The following TACC1 variants were observed in gnomAD, a reference collection of about 807,000 sequenced individuals.
TACC1 encodes the protein transforming acidic coiled-coil containing protein 1.
Under a neutral mutation model 84.4 loss-of-function variants are expected in TACC1, and 48 were observed. The ratio of observed to expected loss-of-function variants is 0.57; its 90% CI spans 0.45 to 0.72. The LOEUF (loss-of-function observed/expected upper bound fraction) is 0.72. Among genes scored for constraint, TACC1 ranks in the 30% least tolerant of loss-of-function variants. TACC1 has a pLI of 0.00. For synonymous variants in TACC1, 372 were observed against 376.3 expected, an observed-to-expected ratio of 0.99 and a Z score of 0.13; for missense variants, 920 against 973.0, an observed-to-expected ratio of 0.95 and a Z score of 0.72.
chr8:38,762,785 G>C (rs1811473278), intron 3 of TACC1, among the ~76,000 whole-genome samples: 1 of 152,078 alleles, frequency 6.6e-6, no homozygotes, highest in African/African-American at 2.4e-5. Context: ...TCAAACTCCT[G>C]ACCTGAGGTG....
At chr8:38,805,948 TG>T (rs539872283) in intron 2 of TACC1, among the ~76,000 whole-genome samples, 2 of 152,222 alleles carry the variant, frequency 1.3e-5, no homozygotes, top group Non-Finnish European at 2.9e-5. Flanking sequence ...GATGCACACT[TG>T]GGGCTTGGAT....
In TACC1 at chr8:38,847,975, G is replaced by C. The variant is rs1832630452; in HGVS notation, c.2370G>C (p.Leu790=). 1.9e-6 allele frequency: 3 copies of C among 1,613,872 alleles called. No individual in the cohort carries two copies. The highest frequency in any genetic ancestry group is 2.5e-6 in the Non-Finnish European group (3 of 1,179,892). The change falls in exon 13 of 13, where the codon CTG becomes CTC. Residue 790 remains leucine, a synonymous_variant. Transcript: ENST00000317827. ...TTCAGAACCAAGAAATTGAAGAACT[G>C]ACAAAAATCTGTGATGAGCTGATTG... The part of the protein sequence containing the change: ...LQQKNQEIEE[L]TKICDELIAK...
chr8:38,735,078 G>T (rs1029769203), intron 1 of TACC1, among the ~76,000 whole-genome samples: 4 of 152,198 alleles, frequency 2.6e-5, no homozygotes, highest in African/African-American at 9.6e-5. Context: ...CTGAATAGAT[G>T]CATCTTAGTT....
In TACC1 at chr8:38,850,497, A is replaced by G. The variant is rs139382989; in HGVS notation, c.*2474A>G. 1.5e-3 allele frequency: 225 copies of G among 152,334 alleles called. 1 individual carries two copies. Among genetic ancestry groups the G allele is most frequent in the African/African-American group, 5.1e-3 (211 of 41,562 alleles). The allele number at this position is 152,334 out of a possible 1,614,324, so 9.4% of individuals were successfully genotyped here. A position where few individuals can be genotyped will look rare whatever the true frequency, so the allele number is the denominator to read the frequency against. ...GCTAGGCAGTAATAAACTCTGTTAC[A>G]GAAGAGAAAAAGGGCCGGGCACAGT... On this transcript the variant is annotated 3_prime_UTR_variant, in exon 13 of 13. Transcript: ENST00000317827.
At chr8:38,742,570 G>A (rs1408524207) in intron 2 of TACC1, 1 of 733,288 alleles carries the variant, frequency 1.4e-6, no homozygotes, top group South Asian at 2.3e-5. Context: ...GTGAATGAAG[G>A]AAATAATGAT....
chr8:38,757,485 C>G (rs1330389956), intron 3 of TACC1: 3 of 1,088,064 alleles, frequency 2.8e-6, no homozygotes, highest in Non-Finnish European at 3.4e-6. Context: ...CGCTGGGGCC[C>G]GTCCCAGAAA....
upstream of TACC1, among the ~76,000 whole-genome samples, chr8:38,784,644 T>A (rs1046602369): frequency 3.3e-5 from 5 of 152,184 alleles, no homozygotes; most frequent in Non-Finnish European, 2.9e-5. Context: ...TGGGTTCTGT[T>A]ATTTTCTGGC....
chr8:38,788,901 A>C, intron 2 of TACC1, 82 bp downstream of exon 2: 1 of 1,121,218 alleles, frequency 8.9e-7, no homozygotes, highest in Non-Finnish European at 1.3e-6. Context: ...AAAAAGTGTA[A>C]ATTTAGGACC....
At chr8:38,765,023 G>C (rs189230943) in intron 3 of TACC1, among the ~76,000 whole-genome samples, 3 of 150,552 alleles carry the variant, frequency 2.0e-5, no homozygotes, top group African/African-American at 4.9e-5. Flanking sequence ...CGCTTGAACC[G>C]GGGGGATGGA....
chr8:38,851,706 T>G lies in TACC1; in HGVS notation c.*3683T>G. 1 of 310,336 alleles carries G rather than the reference T, an allele frequency of 3.2e-6. No homozygotes were observed. Among genetic ancestry groups the G allele is most frequent in the Non-Finnish European group, 6.5e-6 (1 of 154,554 alleles). The allele number at this position is 310,336 out of a possible 1,614,324, so 19.2% of individuals were successfully genotyped here. On this transcript the variant is annotated 3_prime_UTR_variant, in exon 13 of 13. Coordinates refer to ENST00000317827, the MANE Select transcript of TACC1 (RefSeq NM_006283.3). ...ACTTGCATTTCTGACTTTATCCTGT[T>G]GTTAGGAAGATAGAAACTAGGTTTT...
intron 11 of TACC1, among the ~76,000 whole-genome samples, chr8:38,845,250 G>A (rs1384493845): frequency 1.3e-5 from 2 of 152,166 alleles, no homozygotes; most frequent in South Asian, 2.1e-4. Context: ...TAACTAAAAG[G>A]TAATACATGC....
chr8:38,761,320 T>A (rs1811170184), intron 3 of TACC1, among the ~76,000 whole-genome samples: 1 of 113,136 alleles, frequency 8.8e-6, no homozygotes. Context: ...CTTCTCTGCC[T>A]GGAATGTAAG....
At chr8:38,805,293 G>C (rs146428282) in intron 2 of TACC1, among the ~76,000 whole-genome samples, 1 of 152,328 alleles carries the variant, frequency 6.6e-6, no homozygotes, top group Non-Finnish European at 1.5e-5. Context: ...ACACAAATCA[G>C]TTGGCTTTCA....
intron 11 of TACC1, chr8:38,846,116 T>TA (rs1176458102): frequency 6.6e-6 from 1 of 150,408 alleles, no homozygotes; most frequent in Non-Finnish European, 1.5e-5. Flanking sequence ...CCGTCTCTAC[T>TA]AAAAATAAAA....
intron 9 of TACC1, among the ~76,000 whole-genome samples, chr8:38,841,510 C>G (rs1413256414): frequency 6.6e-6 from 1 of 152,192 alleles, no homozygotes; most frequent in Non-Finnish European, 1.5e-5. Flanking sequence ...CATTTTTGCA[C>G]TCTGCACACA....
intron 3 of TACC1, among the ~76,000 whole-genome samples, chr8:38,753,221 T>C (rs1809361759): frequency 6.6e-6 from 1 of 152,130 alleles, no homozygotes; most frequent in Non-Finnish European, 1.5e-5. Context: ...TACTTCACGC[T>C]CCTGAGTATC....
At chr8:38,790,629 T>C (rs1818421103) in intron 2 of TACC1, among the ~76,000 whole-genome samples, 1 of 152,224 alleles carries the variant, frequency 6.6e-6, no homozygotes, top group Non-Finnish European at 1.5e-5. Context: ...CTAATAAGTA[T>C]TTTTATTGCT....
intron 1 of TACC1, among the ~76,000 whole-genome samples, chr8:38,732,635 C>G (rs932435635): frequency 1.6e-4 from 25 of 152,142 alleles, no homozygotes; most frequent in African/African-American, 6.0e-4. Context: ...AGGCATTGTG[C>G]TAAGTGCTTC....
chr8:38,786,800 A>G (rs1817242488), upstream of TACC1, among the ~76,000 whole-genome samples: 1 of 149,618 alleles, frequency 6.7e-6, no homozygotes. Context: ...GGGGAAAACA[A>G]CAGTCCACAG....
Sources: gnomAD v4.1 joint callset for allele counts (sites outside exome capture counted in the v4.1 genomes callset) on GRCh38, gnomAD v4.1.1 for gene constraint, MANE v1.5 for transcripts, NCBI Gene and HGNC (gene_info 2026-07-23, HGNC 2026-07-21) for gene names.